Variants in ARHGAP26 observed in about 807,000 individuals in gnomAD.
ARHGAP26 encodes the protein rho GTPase-activating protein 26.
A neutral mutation model predicts 104.8 loss-of-function variants in ARHGAP26; 38 were observed. The observed-to-expected ratio is 0.36, with a 90% CI of 0.28 to 0.48. ARHGAP26 has a LOEUF of 0.48. Among genes scored for constraint, ARHGAP26 ranks in the 20% least tolerant of loss-of-function variants. ARHGAP26 has a pLI of 0.99. For missense variants in ARHGAP26, 704 were observed against 947.9 expected, an observed-to-expected ratio of 0.74 and a Z score of 3.38; for synonymous variants, 341 against 340.0, an observed-to-expected ratio of 1.00 and a Z score of -0.03.
rs1766020750 is a variant in ARHGAP26 at position 142,940,129 on chromosome 5, T to C, written c.1107+8004T>C. Among the ~76,000 whole-genome samples the C allele has an allele frequency of 2.6e-5, 4 of 152,226 alleles. No homozygotes were observed. The South Asian group carries it at 8.3e-4, about 32-fold the overall frequency. On this transcript the variant is annotated intron_variant, in intron 11 of 22. Transcript: ENST00000645722. The stretch of plus-strand genomic sequence containing the variant: ...CCTTTGCTATGATGCATCCCAGGCC[T>C]AGCAGTTCATAATCCTGCTGTATGC...
intron 5 of ARHGAP26, among the ~76,000 whole-genome samples, chr5:142,893,530 G>T (rs187769051): frequency 6.6e-6 from 1 of 152,074 alleles, no homozygotes; most frequent in African/African-American, 2.4e-5. Context: ...TCATATCTTG[G>T]CTGTTGTGAG....
chr5:142,922,732 C>G (rs1373204357), intron 10 of ARHGAP26, among the ~76,000 whole-genome samples: 2 of 152,180 alleles, frequency 1.3e-5, no homozygotes, highest in South Asian at 4.1e-4. Context: ...GTGCTGAGAA[C>G]CTGGCAGTCC....
At chr5:143,039,543 T>C (rs999138141) in intron 13 of ARHGAP26, among the ~76,000 whole-genome samples, 3 of 151,382 alleles carry the variant, frequency 2.0e-5, no homozygotes, top group Non-Finnish European at 4.4e-5. Context: ...TTTTTTTAAA[T>C]TTAAAAGAAA....
At chr5:143,071,242 T>A (rs189632828) in intron 17 of ARHGAP26, among the ~76,000 whole-genome samples, 4 of 152,158 alleles carry the variant, frequency 2.6e-5, no homozygotes, top group Admixed American at 1.3e-4. Flanking sequence ...GAAGCTGTAG[T>A]AACCAAAGCA....
chr5:142,793,046 T>G, intron 1 of ARHGAP26, among the ~76,000 whole-genome samples: 1 of 152,154 alleles, frequency 6.6e-6, no homozygotes, highest in South Asian at 2.1e-4. Flanking sequence ...CTTTGTCAGC[T>G]GCATTCTGCC....
chr5:142,982,092 C>T (rs1028797230), intron 11 of ARHGAP26, among the ~76,000 whole-genome samples: 1 of 152,184 alleles, frequency 6.6e-6, no homozygotes, highest in Non-Finnish European at 1.5e-5. Context: ...GCTGAAAAGC[C>T]CTGTGACCAA....
chr5:143,214,115 T>C (rs1353687395), intron 22 of ARHGAP26, 27 bp downstream of exon 22: 1 of 354,610 alleles, frequency 2.8e-6, no homozygotes, highest in Non-Finnish European at 5.5e-6. Flanking sequence ...CTCACAAAGA[T>C]ATGGGCGGGG....
At chr5:143,169,977 G>A (rs1169165642) in intron 20 of ARHGAP26, 1 of 151,982 alleles carries the variant, frequency 6.6e-6, no homozygotes, top group Non-Finnish European at 1.5e-5. Context: ...TAAGAAAAAC[G>A]TATTTTATAG....
chr5:142,945,694 T>C (rs1562128449), intron 11 of ARHGAP26, among the ~76,000 whole-genome samples: 1 of 152,214 alleles, frequency 6.6e-6, no homozygotes, highest in Non-Finnish European at 1.5e-5. Flanking sequence ...ATTTCTGACA[T>C]AAAAATGTTA....
intron 20 of ARHGAP26, among the ~76,000 whole-genome samples, chr5:143,178,548 GCCTTCCCTGCTGCCCTGCCCCTT>G: frequency 6.6e-6 from 1 of 152,218 alleles, no homozygotes; most frequent in African/African-American, 2.4e-5. Flanking sequence ...CCTCCAGGGA[GCCTTCCCTGCTGCCCTGCCCCTT>G]GACTGGCTTA....
intron 2 of ARHGAP26, among the ~76,000 whole-genome samples, chr5:142,874,740 A>G (rs145365010): frequency 4.2e-4 from 64 of 152,266 alleles, no homozygotes; most frequent in African/African-American, 1.4e-3. Flanking sequence ...ACGCAACGCC[A>G]TGACAAAGGT....
chr5:143,068,028 G>A (rs981819947), intron 17 of ARHGAP26, among the ~76,000 whole-genome samples: 2 of 152,158 alleles, frequency 1.3e-5, no homozygotes, highest in Non-Finnish European at 2.9e-5. Flanking sequence ...CCTGGGTGTG[G>A]TGGCATTTGC....
chr5:143,147,834 A>T (rs997261299), intron 20 of ARHGAP26, among the ~76,000 whole-genome samples: 5 of 152,198 alleles, frequency 3.3e-5, no homozygotes, highest in Admixed American at 6.5e-5. Context: ...AGCCCCCAGG[A>T]GCCCTTTGTG....
At chr5:143,061,376 C>A (rs1371420710) in intron 17 of ARHGAP26, among the ~76,000 whole-genome samples, 1 of 152,070 alleles carries the variant, frequency 6.6e-6, no homozygotes, top group Non-Finnish European at 1.5e-5. Context: ...CCACACATAC[C>A]ATTCGTAGTG....
In ARHGAP26 at chr5:143,228,594, A is replaced by G. The variant is rs566608340; in HGVS notation, c.*6148A>G. ...ATTTTGTCCACATTTTGGAAAAGAAAATATTTGCATGTTTAATTCATAATT... is the reference window on the plus strand; with the variant it reads ...ATTTTGTCCACATTTTGGAAAAGAAGATATTTGCATGTTTAATTCATAATT... On this transcript the variant is annotated 3_prime_UTR_variant, in exon 23 of 23. Coordinates refer to ENST00000645722, the MANE Select transcript of ARHGAP26 (RefSeq NM_001135608.3). The G allele has an allele frequency of 4.6e-6, 1 of 216,024 alleles. No homozygotes were observed. Among genetic ancestry groups the G allele is most frequent in the South Asian group, 1.9e-4 (1 of 5,354 alleles). The allele number at this position is 216,024 out of a possible 1,614,324, so 13.4% of individuals were successfully genotyped here.
intron 3 of ARHGAP26, among the ~76,000 whole-genome samples, chr5:142,878,829 G>A (rs548561147): frequency 6.6e-6 from 1 of 152,258 alleles, no homozygotes; most frequent in African/African-American, 2.4e-5. Flanking sequence ...GGTGAGCCCT[G>A]TGAGATGAAG....
chr5:142,962,427 T>C (rs1180507273), intron 11 of ARHGAP26, among the ~76,000 whole-genome samples: 1 of 152,030 alleles, frequency 6.6e-6, no homozygotes, highest in Non-Finnish European at 1.5e-5. Flanking sequence ...ACTGAAAGAG[T>C]AGGAAAAGCC....
chr5:142,949,176 A>AGAGAGAGAGAGAGAGAGAGAGAGAGGG (rs1202490588), intron 11 of ARHGAP26, among the ~76,000 whole-genome samples: 2 of 3,112 alleles, frequency 6.4e-4, no homozygotes, highest in Non-Finnish European at 2.0e-3. Context: ...AGAGAGAGAG[A>AGAGAGAGAGAGAGAGAGAGAGAGAGGG]GAGAGAGAGA....
At chr5:143,158,175 A>G (rs1431033006) in intron 20 of ARHGAP26, among the ~76,000 whole-genome samples, 1 of 152,184 alleles carries the variant, frequency 6.6e-6, no homozygotes, top group Non-Finnish European at 1.5e-5. Context: ...CCGTGGTGGC[A>G]GTGGATGGAC....
Sources: gnomAD v4.1 joint callset for allele counts (sites outside exome capture counted in the v4.1 genomes callset) on GRCh38, gnomAD v4.1.1 for gene constraint, MANE v1.5 for transcripts, NCBI Gene and HGNC (gene_info 2026-07-23, HGNC 2026-07-21) for gene names.